Variants in ATE1 observed in about 807,000 individuals in gnomAD.
The protein encoded by ATE1 is arginyltransferase 1, also known as arginyl-tRNA--protein transferase 1.
In ATE1, 36 loss-of-function variants were observed where a neutral mutation model predicts 70.5. That is an observed-to-expected ratio of 0.51 (90% confidence interval 0.39 to 0.67). ATE1 has a LOEUF of 0.67. Ranked by LOEUF, ATE1 falls within the 30% of genes least tolerant of loss-of-function variation. The pLI is 0.00. For missense variants in ATE1, 593 were observed against 629.5 expected (o/e 0.94, Z 0.62); for synonymous variants, 232 against 219.3 (o/e 1.06, Z -0.51).
intron 10 of ATE1, among the ~76,000 whole-genome samples, chr10:121,829,993 T>C (rs531178996): frequency 6.6e-6 from 1 of 152,366 alleles, no homozygotes; most frequent in African/African-American, 2.4e-5. Flanking sequence ...TATTTCTTGC[T>C]GGTCTCTAGT....
chr10:121,766,088 T>C (rs764403794), intron 11 of ATE1, among the ~76,000 whole-genome samples: 5 of 152,238 alleles, frequency 3.3e-5, no homozygotes, highest in Non-Finnish European at 5.9e-5. Context: ...CTGCCTGCCA[T>C]AATGTCTCTG....
At chr10:121,811,525 T>C (rs1947319286) in intron 10 of ATE1, among the ~76,000 whole-genome samples, 1 of 152,212 alleles carries the variant, frequency 6.6e-6, no homozygotes. Flanking sequence ...CTGGTTTTAT[T>C]ATCTTACTTG....
chr10:121,910,412 TAAA>T (rs1408963350), intron 5 of ATE1, among the ~76,000 whole-genome samples: 1 of 151,962 alleles, frequency 6.6e-6, no homozygotes, highest in African/African-American at 2.4e-5. Context: ...AGTAATAACA[TAAA>T]AAAATCTTAC....
At chr10:121,837,108 T>C (rs1478113004) in intron 9 of ATE1, among the ~76,000 whole-genome samples, 2 of 152,216 alleles carry the variant, frequency 1.3e-5, no homozygotes, top group East Asian at 1.9e-4. Flanking sequence ...ATCTACAGTG[T>C]CCTGTTATTA....
Position 121,916,130 on chromosome 10 carries a change from G to GTA in ATE1, c.234-2238_234-2237insTA, listed in dbSNP as rs1951646317. On this transcript the variant is annotated intron_variant, in intron 3 of 11. Transcript: ENST00000224652. ...TAGTCCCAGCTACTCAGGAGGCTGA[G>GTA]GCAGGAGAATGGCATGAACCCAGGA... 3.3e-5 allele frequency among the ~76,000 whole-genome samples: 5 copies of GTA among 151,614 alleles called. No homozygotes were observed. The South Asian group carries it at 1.0e-3, about 32-fold the overall frequency.
rs139209256 is a variant in ATE1 at position 121,916,954 on chromosome 10, T to C, written c.234-3061A>G. Reference sequence around the variant, plus strand: ...CGAGGTGGGTGGATCATGTGAGGTATGGAGTTCGAGACCAGCCTGGCCAAC... The same window carrying C: ...CGAGGTGGGTGGATCATGTGAGGTACGGAGTTCGAGACCAGCCTGGCCAAC... On this transcript the variant is annotated intron_variant, in intron 3 of 11. Transcript: ENST00000224652. 4.9e-3 allele frequency among the ~76,000 whole-genome samples: 744 copies of C among 151,658 alleles called. 2 individuals are homozygous for C. The highest frequency in any genetic ancestry group is 8.6e-3 in the Non-Finnish European group (581 of 67,918).
intron 11 of ATE1, among the ~76,000 whole-genome samples, chr10:121,779,813 C>A (rs1424577516): frequency 6.6e-6 from 1 of 152,190 alleles, no homozygotes; most frequent in Non-Finnish European, 1.5e-5. Flanking sequence ...TCTAGTCCCA[C>A]TAAAACTAAA....
intron 1 of ATE1, chr10:121,927,570 A>G: frequency 1.0e-6 from 1 of 980,480 alleles, no homozygotes; most frequent in Non-Finnish European, 1.2e-6. Flanking sequence ...CCTTCACCTC[A>G]CACAATCTAC....
intron 10 of ATE1, among the ~76,000 whole-genome samples, chr10:121,811,552 C>A (rs1007608174): frequency 2.0e-5 from 3 of 152,148 alleles, no homozygotes; most frequent in African/African-American, 4.8e-5. Flanking sequence ...TAACTGAAGG[C>A]CTTGGGCTAT....
At chr10:121,752,904 A>C (rs1260547415) in intron 11 of ATE1, among the ~76,000 whole-genome samples, 5 of 152,212 alleles carry the variant, frequency 3.3e-5, no homozygotes, top group African/African-American at 1.2e-4. Flanking sequence ...TTAATAGATC[A>C]CTGCTCTGAA....
chr10:121,790,404 CT>C (rs1170664565), intron 10 of ATE1, 115 bp from the exon 11 acceptor site: 1 of 1,322,022 alleles, frequency 7.6e-7, no homozygotes, highest in Non-Finnish European at 1.0e-6. Context: ...CAACCAGAAA[CT>C]GTTTTACTGT....
chr10:121,894,624 G>A (rs1950704823), intron 7 of ATE1, among the ~76,000 whole-genome samples: 1 of 152,120 alleles, frequency 6.6e-6, no homozygotes, highest in Non-Finnish European at 1.5e-5. Flanking sequence ...AGGGTGCCGG[G>A]TGTGGGAGCT....
chr10:121,888,418 A>C (rs764377498), intron 7 of ATE1, among the ~76,000 whole-genome samples: 27 of 152,100 alleles, frequency 1.8e-4, no homozygotes, highest in Non-Finnish European at 3.5e-4. Context: ...TAATAATAAT[A>C]ATAAAGAGAG....
chr10:121,865,593 G>T (rs1949635335), intron 8 of ATE1, among the ~76,000 whole-genome samples: 1 of 152,176 alleles, frequency 6.6e-6, no homozygotes, highest in Non-Finnish European at 1.5e-5. Flanking sequence ...TGTCTGTAAG[G>T]CCGGGGTCCG....
intron 11 of ATE1, among the ~76,000 whole-genome samples, chr10:121,787,406 G>A (rs557258447): frequency 1.5e-4 from 23 of 152,120 alleles, no homozygotes; most frequent in Non-Finnish European, 3.2e-4. Context: ...TTTCACAGCA[G>A]GCTGAATACA....
At position 121,770,038 on chromosome 10, in the gene ATE1, C is replaced by G. The variant is rs114079162; in HGVS notation, c.1378+20131G>C. The stretch of plus-strand genomic sequence containing the variant: ...ATCAGAACTCAAGTTTATGTAAAAA[C>G]CTGTAGACAAATGTTTGTAGTAGTT... On this transcript the variant is annotated intron_variant, in intron 11 of 11. Transcript: ENST00000224652. 4.3e-3 allele frequency among the ~76,000 whole-genome samples: 657 copies of G among 152,220 alleles called. 5 individuals are homozygous for G. The highest frequency in any genetic ancestry group is 0.015 in the African/African-American group (632 of 41,522).
chr10:121,809,195 CAACA>C (rs1947216699), intron 10 of ATE1, among the ~76,000 whole-genome samples: 1 of 152,186 alleles, frequency 6.6e-6, no homozygotes, highest in African/African-American at 2.4e-5. Context: ...TTATCACTGG[CAACA>C]AACAGTGTCA....
intron 7 of ATE1, among the ~76,000 whole-genome samples, chr10:121,886,581 G>C (rs1340913326): frequency 6.6e-6 from 1 of 151,980 alleles, no homozygotes; most frequent in Non-Finnish European, 1.5e-5. Flanking sequence ...GAAATCACTG[G>C]GTTAATAATA....
intron 11 of ATE1, among the ~76,000 whole-genome samples, chr10:121,788,104 C>T (rs955478618): frequency 3.3e-5 from 5 of 152,166 alleles, no homozygotes; most frequent in African/African-American, 1.2e-4. Context: ...ACTAGACTGA[C>T]TGACCCTAAA....
Sources: allele counts gnomAD v4.1 joint callset (sites outside exome capture counted in the v4.1 genomes callset), GRCh38; gene constraint gnomAD v4.1.1; transcripts MANE v1.5; gene names NCBI Gene and HGNC (gene_info 2026-07-23, HGNC 2026-07-21).